CDC34: variants seen among roughly 807,000 people sequenced by gnomAD.
CDC34 encodes cell division cycle 34, ubiquitin conjugating enzyme.
A neutral mutation model predicts 26.8 loss-of-function variants in CDC34; 18 were observed. That is an observed-to-expected ratio of 0.67 (90% CI 0.47 to 1.00). CDC34 has a LOEUF of 1.00. Among genes scored for constraint, CDC34 ranks in the 50% least tolerant of loss-of-function variants. The pLI is 0.00. For missense variants in CDC34, 280 were observed against 334.5 expected, an observed-to-expected ratio of 0.84 and a Z score of 1.27; for synonymous variants, 178 against 147.5, an observed-to-expected ratio of 1.21 and a Z score of -1.50.
intron 3 of CDC34, 153 bp downstream of exon 3, chr19:536,493 C>G: frequency 1.6e-6 from 1 of 626,110 alleles, no homozygotes; most frequent in Non-Finnish European, 2.8e-6. Flanking sequence ...TCCTGGGCCT[C>G]GCTGTACCTG....
At position 541,533 on chromosome 19, in the gene CDC34, C is replaced by G. The variant is rs751546350; in HGVS notation, c.692C>G (p.Ser231Cys). ...DSCFGDDEDD[S>C]GTEES The stretch of plus-strand genomic sequence containing the variant: ...TGCTTCGGGGACGATGAGGATGACT[C>G]TGGCACGGAGGAGTCCTGACACCAC... Residue 231 changes from serine to cysteine, a missense_variant, in exon 5 of 5, where the codon TCT (serine) becomes TGT (cysteine). Physicochemically the swap from Ser to Cys is moderately radical, Grantham distance 112 (BLOSUM62 -1). Coordinates refer to ENST00000215574, the MANE Select transcript of CDC34 (RefSeq NM_004359.2). 7 of 1,599,638 alleles carry G rather than the reference C, an allele frequency of 4.4e-6. No individual in the cohort carries two copies. The highest frequency in any genetic ancestry group is 3.3e-5 in the South Asian group (3 of 89,634).
intron 4 of CDC34, among the ~76,000 whole-genome samples, chr19:540,045 CCCA>C (rs1979942716): frequency 5.7e-5 from 8 of 139,378 alleles, no homozygotes; most frequent in Admixed American, 7.1e-5. Context: ...GGCCAGGCCC[CCCA>C]CGTTTAGAAT....
chr19:541,607 C>T lies in CDC34; in HGVS notation c.*55C>T, dbSNP rs907074961. ...CTCACTAGGGCCGGACCCGTGGCTC[C>T]TTAGACGACAGACTACCTCACGGAG... On this transcript the variant is annotated 3_prime_UTR_variant, in exon 5 of 5. Transcript: ENST00000215574. The T allele has an allele frequency of 6.7e-7, 1 of 1,500,090 alleles. No individual in the cohort carries two copies. The highest frequency in any genetic ancestry group is 8.9e-7 in the Non-Finnish European group (1 of 1,123,260). The allele number at this position is 1,500,090 out of a possible 1,614,324, so 92.9% of individuals were successfully genotyped here.
intron 4 of CDC34, 105 bp downstream of exon 4, chr19:537,252 G>A (rs941271510): frequency 3.8e-5 from 50 of 1,313,648 alleles, no homozygotes; most frequent in Admixed American, 1.0e-4. Context: ...TGAGGGTGGC[G>A]GAGCTTCCTG....
At chr19:536,430 C>A (rs1193821382) in intron 3 of CDC34, 90 bp downstream of exon 3, 1 of 1,056,068 alleles carries the variant, frequency 9.5e-7, no homozygotes, top group Non-Finnish European at 1.4e-6. Flanking sequence ...GTAGGCCGGG[C>A]TCCCCCACAG....
chr19:537,058 C>T lies in CDC34; in HGVS notation c.408C>T (p.Thr136=). 1 of 1,613,940 alleles carries T rather than the reference C, an allele frequency of 6.2e-7. No homozygotes were observed. Among genetic ancestry groups the T allele is most frequent in the Non-Finnish European group, 8.5e-7 (1 of 1,180,012 alleles). The stretch of plus-strand genomic sequence containing the variant: ...TCTCCCTCCTGAACGAGCCCAACAC[C>T]TTCTCGCCCGCAAACGTGGACGCCT... The part of the protein sequence containing the change: ...SVISLLNEPN[T]FSPANVDASV... Residue 136 remains threonine (T), a synonymous_variant, in exon 4 of 5, where the codon ACC becomes ACT. Transcript: ENST00000215574.
In CDC34 at chr19:541,740, C is replaced by T. The variant is rs1216501823; in HGVS notation, c.*188C>T. ...CTTCAGAGAAGAGGGGCTGCCCCAC[C>T]GCCACTCACGTCACTCGGGGCTCGG... On this transcript the variant is annotated 3_prime_UTR_variant, in exon 5 of 5. Transcript: ENST00000215574. 3.4e-5 allele frequency: 19 copies of T among 551,424 alleles called. No individual in the cohort carries two copies. In the South Asian group the frequency reaches 4.9e-4, roughly 14 times the overall value. The allele number at this position is 551,424 out of a possible 1,614,324, so 34.2% of individuals were successfully genotyped here.
chr19:536,197 C>T, intron 2 of CDC34, 46 bp from the exon 3 acceptor site: 2 of 1,473,302 alleles, frequency 1.4e-6, no homozygotes, highest in Non-Finnish European at 1.9e-6. Flanking sequence ...CACTGGGAGC[C>T]CGTGCTGACC....
At chr19:532,424 G>T (rs1484391020) in intron 1 of CDC34, among the ~76,000 whole-genome samples, 1 of 152,194 alleles carries the variant, frequency 6.6e-6, no homozygotes, top group African/African-American at 2.4e-5. Context: ...GCATCTGGGC[G>T]TGGGGCTCTT....
chr19:539,433 C>T (rs1979912018), intron 4 of CDC34, among the ~76,000 whole-genome samples: 1 of 151,686 alleles, frequency 6.6e-6, no homozygotes, highest in East Asian at 1.9e-4. Flanking sequence ...CACTGTCAGT[C>T]ACCCCCCCAG....
chr19:536,550 G>C (rs922587901), intron 3 of CDC34: 5 of 587,710 alleles, frequency 8.5e-6, no homozygotes, highest in Non-Finnish European at 1.5e-5. Context: ...TGTCGGTGCA[G>C]ACTCCCACCA....
At chr19:538,439 C>T (rs1979860806) in intron 4 of CDC34, among the ~76,000 whole-genome samples, 1 of 152,222 alleles carries the variant, frequency 6.6e-6, no homozygotes, top group Non-Finnish European at 1.5e-5. Flanking sequence ...AATGTGTAAA[C>T]ACGTGCGTGT....
At chr19:532,196 C>T (rs1979520773) in intron 1 of CDC34, 88 bp downstream of exon 1, 1 of 1,130,576 alleles carries the variant, frequency 8.8e-7, no homozygotes, top group Middle Eastern at 2.6e-4. Flanking sequence ...GGTCCTAGCG[C>T]TGTTGCTGGG....
chr19:534,622 C>T (rs374693104), intron 1 of CDC34, among the ~76,000 whole-genome samples: 4 of 83,224 alleles, frequency 4.8e-5, no homozygotes, highest in South Asian at 5.3e-4. Context: ...ACCTCGCCCA[C>T]GATCCAAGAC....
intron 2 of CDC34, 40 bp downstream of exon 2, chr19:535,963 G>C (rs775158415): frequency 6.4e-7 from 1 of 1,566,992 alleles, no homozygotes; most frequent in Non-Finnish European, 8.8e-7. Context: ...CTCATCCTCC[G>C]GGACCCAGGG....
intron 4 of CDC34, among the ~76,000 whole-genome samples, chr19:539,913 AG>A (rs1195348778): frequency 2.0e-5 from 3 of 152,178 alleles, no homozygotes; most frequent in African/African-American, 7.2e-5. Context: ...GGTGCCCTCC[AG>A]GAAGTTTGAG....
chr19:539,589 TCTGC>T (rs901275460), intron 4 of CDC34, among the ~76,000 whole-genome samples: 4 of 152,108 alleles, frequency 2.6e-5, no homozygotes, highest in Non-Finnish European at 5.9e-5. Flanking sequence ...GGGCTGTCTG[TCTGC>T]TCCCTGGTGC....
rs12979642 is a variant in CDC34 at position 534,843 on chromosome 19, G to A, written c.178-994G>A. 3.9e-4 allele frequency among the ~76,000 whole-genome samples: 20 copies of A among 51,148 alleles called. 6 individuals carry two copies. Among genetic ancestry groups the A allele is most frequent in the East Asian group, 2.7e-3 (5 of 1,884 alleles). 33.6% of individuals were successfully genotyped at this position (51,148 alleles called of 152,430 possible). ...CCCTCCCTGTCCAGACCTCGCCCAC[G>A]ATCCAAGACCCCCTGAGTGCCCTCC... On this transcript the variant is annotated intron_variant, in intron 1 of 4. Transcript: ENST00000215574.
chr19:536,828 G>A, intron 3 of CDC34, 185 bp from the exon 4 acceptor site: 1 of 645,346 alleles, frequency 1.5e-6, no homozygotes. Flanking sequence ...GGCGTGGGAG[G>A]GAGGAGACTG....
Sources: allele counts gnomAD v4.1 joint callset (sites outside exome capture counted in the v4.1 genomes callset), GRCh38; gene constraint gnomAD v4.1.1; transcripts MANE v1.5; gene names NCBI Gene and HGNC (gene_info 2026-07-23, HGNC 2026-07-21).